The following VAV2 variants were observed in gnomAD, a reference collection of about 807,000 sequenced individuals.
The protein encoded by VAV2 is vav guanine nucleotide exchange factor 2, also known as guanine nucleotide exchange factor VAV2.
Under a neutral mutation model 132.5 loss-of-function variants are expected in VAV2, and 67 were observed. The ratio of observed to expected loss-of-function variants is 0.51; its 90% confidence interval spans 0.42 to 0.62. The LOEUF is 0.62. Among genes scored for constraint, VAV2 ranks in the 20% least tolerant of loss-of-function variants. The pLI is 0.00. For missense variants in VAV2, 938 were observed against 1,153.6 expected (o/e 0.81, Z 2.71); for synonymous variants, 492 against 443.5 (o/e 1.11, Z -1.37).
chr9:133,888,759 C>T (rs1042044308), intron 2 of VAV2, among the ~76,000 whole-genome samples: 3 of 152,190 alleles, frequency 2.0e-5, no homozygotes, highest in Non-Finnish European at 4.4e-5. Context: ...TTCCAAAGGG[C>T]GTCATCCCAG....
intron 4 of VAV2, among the ~76,000 whole-genome samples, chr9:133,822,560 G>A (rs188392853): frequency 2.0e-5 from 3 of 152,244 alleles, no homozygotes; most frequent in Admixed American, 6.5e-5. Context: ...CCCTCACCAC[G>A]ACCCATGAGG....
intron 2 of VAV2, among the ~76,000 whole-genome samples, chr9:133,902,430 A>T (rs963821685): frequency 1.3e-5 from 2 of 152,214 alleles, no homozygotes; most frequent in Non-Finnish European, 2.9e-5. Context: ...TGCGGCCAGC[A>T]CTGGAAGCGG....
At chr9:133,790,312 G>A (rs1466805977) in intron 13 of VAV2, among the ~76,000 whole-genome samples, 2 of 152,132 alleles carry the variant, frequency 1.3e-5, no homozygotes, top group Admixed American at 6.5e-5. Context: ...AAGTAGCTGC[G>A]ATTATAGGCA....
chr9:133,893,279 G>T (rs183502632), intron 2 of VAV2, among the ~76,000 whole-genome samples: 1 of 152,342 alleles, frequency 6.6e-6, no homozygotes, highest in Admixed American at 6.5e-5. Flanking sequence ...GGTGGAGGGT[G>T]GAGAGGGCTG....
rs560971120 is a variant in VAV2 at position 133,912,951 on chromosome 9, C to G, written c.321+26152G>C. Among the ~76,000 whole-genome samples the G allele has an allele frequency of 6.6e-6, 1 of 152,276 alleles. No individual in the cohort carries two copies. Among genetic ancestry groups the G allele is most frequent in the African/African-American group, 2.4e-5 (1 of 41,540 alleles). On this transcript the variant is annotated intron_variant, in intron 2 of 29. Coordinates refer to ENST00000371850, the MANE Select transcript of VAV2 (RefSeq NM_001134398.2). This position sits in a 1 kb window ranked among gnomAD's most constrained non-coding sequence, Gnocchi z 4.3. ...AACTTCAGCCAGCACAGTCCACGGG[C>G]GGTGGAGTGCCATTTGGAACCGGGT...
intron 1 of VAV2, among the ~76,000 whole-genome samples, chr9:133,967,528 A>G (rs1210960064): frequency 6.6e-6 from 1 of 152,258 alleles, no homozygotes; most frequent in Non-Finnish European, 1.5e-5. Context: ...TGACATATAT[A>G]CACAATAGAA....
chr9:133,863,267 G>A lies in VAV2; in HGVS notation c.322-1835C>T, dbSNP rs1346975365. Among the ~76,000 whole-genome samples, 1 of 152,262 alleles carries A rather than the reference G, an allele frequency of 6.6e-6. No homozygotes were observed. ...AGCCCCCTCTCACACACCTCCTGCG[G>A]CAGACGTGGCTGATCAATCCCTCCG... On this transcript the variant is annotated intron_variant, in intron 2 of 29. Transcript: ENST00000371850. This position sits in a 1 kb window ranked among gnomAD's most constrained non-coding sequence, Gnocchi z 5.0.
chr9:133,960,779 CAG>C (rs1588175873), intron 1 of VAV2, among the ~76,000 whole-genome samples: 1 of 152,232 alleles, frequency 6.6e-6, no homozygotes, highest in Non-Finnish European at 1.5e-5. Context: ...GTCCCGAACC[CAG>C]AGAGGAGCTG....
rs1840496529 is a variant in VAV2 at position 133,926,853 on chromosome 9, G to A, written c.321+12250C>T. Reference sequence around the variant, plus strand: ...CCAGCTGAGCTAAGCAGAGCACACAGAAGCAGAGAGGACCACCCTCCTGGC... The same window carrying A: ...CCAGCTGAGCTAAGCAGAGCACACAAAAGCAGAGAGGACCACCCTCCTGGC... On this transcript the variant is annotated intron_variant, in intron 2 of 29. Transcript: ENST00000371850. The surrounding 1 kb of genome is among the most constrained non-coding windows in gnomAD (Gnocchi z 4.3). Among the ~76,000 whole-genome samples the A allele has an allele frequency of 6.6e-6, 1 of 152,216 alleles. No homozygotes were observed. The highest frequency in any genetic ancestry group is 1.5e-5 in the Non-Finnish European group (1 of 68,036).
intron 4 of VAV2, among the ~76,000 whole-genome samples, chr9:133,821,711 G>A (rs1835793507): frequency 6.6e-6 from 1 of 152,234 alleles, no homozygotes; most frequent in Non-Finnish European, 1.5e-5. Flanking sequence ...TTCCTGCTCA[G>A]CTGTGTTGCT....
chr9:133,945,031 A>G (rs1157287920), intron 1 of VAV2, among the ~76,000 whole-genome samples: 2 of 152,210 alleles, frequency 1.3e-5, no homozygotes, highest in East Asian at 3.9e-4. Context: ...CACTGGGCTA[A>G]GAGCTCCCTT....
intron 27 of VAV2, 44 bp downstream of exon 27, chr9:133,770,334 C>A (rs1322281473): frequency 1.9e-6 from 3 of 1,611,628 alleles, no homozygotes; most frequent in Non-Finnish European, 2.5e-6. Context: ...CCAGGGCAGA[C>A]CCCTCCGAGG....
At chr9:133,910,828 A>AG (rs1225489081) in intron 2 of VAV2, among the ~76,000 whole-genome samples, 12 of 144,926 alleles carry the variant, frequency 8.3e-5, no homozygotes, top group Non-Finnish European at 1.8e-4. Flanking sequence ...GGTCTCAAAA[A>AG]AAAAAAAAAG....
chr9:133,923,446 C>T (rs1205786673), intron 2 of VAV2, among the ~76,000 whole-genome samples: 1 of 152,156 alleles, frequency 6.6e-6, no homozygotes, highest in African/African-American at 2.4e-5. Flanking sequence ...CAATGAGATA[C>T]CATCTCACAC....
chr9:133,899,970 G>A (rs1332757106), intron 2 of VAV2, among the ~76,000 whole-genome samples: 3 of 150,012 alleles, frequency 2.0e-5, no homozygotes, highest in African/African-American at 4.9e-5. Context: ...GCAGTGAGCC[G>A]AGATTGCACC....
At chr9:133,792,682 C>CCCCCCCCCA (rs1834542686) in intron 12 of VAV2, among the ~76,000 whole-genome samples, 5 of 75,996 alleles carry the variant, frequency 6.6e-5, no homozygotes, top group African/African-American at 1.6e-4. Flanking sequence ...CAAGGGACCC[C>CCCCCCCCCA]CCCCCCCACC....
chr9:133,810,978 G>A (rs1251568161), intron 5 of VAV2, among the ~76,000 whole-genome samples: 3 of 152,204 alleles, frequency 2.0e-5, no homozygotes, highest in East Asian at 1.9e-4. Context: ...CGGCTCGCCG[G>A]CCGCCTCGGG....
chr9:133,947,125 C>T (rs773663085), intron 1 of VAV2, among the ~76,000 whole-genome samples: 9 of 152,238 alleles, frequency 5.9e-5, no homozygotes, highest in Non-Finnish European at 1.2e-4. Flanking sequence ...CCTTCCAAGA[C>T]GTCAGGGGCC....
chr9:133,974,981 T>C (rs909750014), intron 1 of VAV2, among the ~76,000 whole-genome samples: 2 of 152,200 alleles, frequency 1.3e-5, no homozygotes, highest in Admixed American at 6.5e-5. Flanking sequence ...TTCCACGTGA[T>C]TCATGCCCCT....
Sources: allele counts gnomAD v4.1 joint callset (sites outside exome capture counted in the v4.1 genomes callset), GRCh38; gene constraint gnomAD v4.1.1; non-coding constraint Gnocchi (gnomAD v3.1); transcripts MANE v1.5; gene names NCBI Gene and HGNC (gene_info 2026-07-23, HGNC 2026-07-21).